Variants in RECQL5 observed in about 807,000 individuals in gnomAD.
The protein encoded by RECQL5 is ATP-dependent DNA helicase Q5.
In RECQL5, 88 loss-of-function variants were observed where a neutral mutation model predicts 103.4. The observed-to-expected ratio is 0.85, with a 90% confidence interval of 0.72 to 1.02. The LOEUF is 1.02. Among genes scored for constraint, RECQL5 ranks in the 50% least tolerant of loss-of-function variants. The pLI is 0.00. For missense variants in RECQL5, 1,232 were observed against 1,284.3 expected (o/e 0.96, Z 0.62); for synonymous variants, 552 against 507.9 (o/e 1.09, Z -1.17).
At chr17:75,631,352 G>C (rs1484242414) in intron 9 of RECQL5, 98 bp downstream of exon 9, 4 of 1,526,676 alleles carry the variant, frequency 2.6e-6, no homozygotes, top group Non-Finnish European at 3.6e-6. Flanking sequence ...CAGCTCAAGG[G>C]GGGATTGCGG....
Position 75,630,313 on chromosome 17 carries a change from T to C in RECQL5, c.1719-36A>G, listed in dbSNP as rs369527728. 4 of 1,508,444 alleles carry C rather than the reference T, an allele frequency of 2.7e-6. No homozygotes were observed. In the South Asian group the frequency reaches 5.1e-5, roughly 19 times the overall value. The allele number at this position is 1,508,444 out of a possible 1,614,324, so 93.4% of individuals were successfully genotyped here. ...AAGGTAACAGGCACAAGGTATCAGG[T>C]GGGCCTGGGCTTCTCCCTGCTGAGC... On this transcript the variant is annotated intron_variant, in intron 13 of 19. Transcript: ENST00000317905.
In RECQL5 at chr17:75,628,441, T is replaced by C. The variant is rs770646571; in HGVS notation, c.2582A>G (p.Glu861Gly). ...WKGKRPRSQQ[E>G]NPESQPQKRP... ...CTTCTGAGGCTGGCTCTCTGGGTTC[T>C]CCTGAGAAGGGCCACAGCAGAGGGT... Residue 861 changes from glutamate (E) to glycine (G), a missense_variant and splice_region_variant, in exon 18 of 20, where the codon GAG becomes GGG. Physicochemically the swap from Glu to Gly is moderately conservative, Grantham distance 98. Coordinates refer to ENST00000317905, the MANE Select transcript of RECQL5 (RefSeq NM_004259.7). 13 of 1,612,982 alleles carry C rather than the reference T, an allele frequency of 8.1e-6. No homozygotes were observed. The highest frequency in any genetic ancestry group is 1.1e-5 in the Non-Finnish European group (13 of 1,179,686).
At chr17:75,663,944 C>G (rs1568287216) in intron 3 of RECQL5, among the ~76,000 whole-genome samples, 1 of 151,622 alleles carries the variant, frequency 6.6e-6, no homozygotes, top group Non-Finnish European at 1.5e-5. Context: ...ATCCCAGCTA[C>G]TCGGGGGACT....
Position 75,627,649 on chromosome 17 carries a change from G to A in RECQL5, c.2849C>T (p.Thr950Ile), listed in dbSNP as rs1224260777. ...GCTCCTTCCAGGAGAGGTCTTCTGA[G>A]TCAGCAAGTGTGAGAGGTGGCGGGC... The part of the protein sequence containing the change: ...GFARHLSHLL[T>I]QKTSPGRSVK... Residue 950 changes from threonine (T) to isoleucine (I), a missense_variant, in exon 19 of 20, where the codon ACT becomes ATT. Coordinates refer to ENST00000317905, the MANE Select transcript of RECQL5 (RefSeq NM_004259.7). 1 of 1,612,352 alleles carries A rather than the reference G, an allele frequency of 6.2e-7. No individual in the cohort carries two copies. The highest frequency in any genetic ancestry group is 8.5e-7 in the Non-Finnish European group (1 of 1,179,228).
At chr17:75,663,025 G>T (rs1425678592) in intron 3 of RECQL5, 28 bp from the exon 4 acceptor site, 6 of 1,554,998 alleles carry the variant, frequency 3.9e-6, no homozygotes, top group Non-Finnish European at 5.2e-6. Flanking sequence ...GGCTGTAACT[G>T]GCCCTCAGGA....
At chr17:75,659,228 A>G in intron 6 of RECQL5, among the ~76,000 whole-genome samples, 1 of 151,930 alleles carries the variant, frequency 6.6e-6, no homozygotes, top group African/African-American at 2.4e-5. Flanking sequence ...TGCCCAGCTA[A>G]TTTTTGTATT....
intron 11 of RECQL5, 24 bp from the exon 12 acceptor site, chr17:75,630,861 TG>T: frequency 1.4e-6 from 2 of 1,470,130 alleles, no homozygotes; most frequent in Non-Finnish European, 9.2e-7. Flanking sequence ...GGGTGGTCCT[TG>T]GTCCTTTCGC....
chr17:75,629,809 G>A lies in RECQL5; in HGVS notation c.1846C>T (p.Gln616Ter), dbSNP rs1014686447. The A allele has an allele frequency of 1.2e-6, 2 of 1,613,102 alleles. No homozygotes were observed. Among genetic ancestry groups the A allele is most frequent in the Admixed American group, 3.3e-5 (2 of 59,950 alleles). Reference protein sequence around the residue: ...ADIHRASKDGQPYDMGGSAKS... With the variant: ...ADIHRASKDG ...GCACTGCCTCCCATGTCATAGGGCT[G>A]CCCATCCTTGGAGGCTCTGTGGATA... is the stretch of plus-strand genomic sequence containing the variant. The change falls in exon 15 of 20, where the codon CAG becomes TAG. Residue 616 changes from glutamine to a stop codon, truncating the protein, a stop_gained. Transcript: ENST00000317905. LOFTEE classifies it high-confidence loss of function.
Position 75,660,869 on chromosome 17 carries a change from T to C in RECQL5, c.986+86A>G, listed in dbSNP as rs554156914. On this transcript the variant is annotated intron_variant, in intron 6 of 19. Coordinates refer to ENST00000317905, the MANE Select transcript of RECQL5 (RefSeq NM_004259.7). The stretch of plus-strand genomic sequence containing the variant: ...CCCCTCTAGCCCTCGAAGGAGCACA[T>C]GCACCTGGTCCTTTGGGCACAGCAC... The C allele has an allele frequency of 1.2e-4, 118 of 968,810 alleles. 1 individual carries two copies. The African/African-American group carries it at 1.6e-3, about 13-fold the overall frequency. The allele number at this position is 968,810 out of a possible 1,614,324, so 60.0% of individuals were successfully genotyped here. A position where few individuals can be genotyped will look rare whatever the true frequency, so the allele number is the denominator to read the frequency against.
rs753430072 is a variant in RECQL5 at position 75,640,198 on chromosome 17, C to T, written c.1230-8530G>A. The T allele has an allele frequency of 1.0e-5, 16 of 1,545,588 alleles. No individual in the cohort carries two copies. The highest frequency in any genetic ancestry group is 6.0e-5 in the South Asian group (5 of 83,496). On this transcript the variant is annotated intron_variant, in intron 8 of 19. Transcript: ENST00000317905. This position sits in a 1 kb window ranked among gnomAD's most constrained non-coding sequence, Gnocchi z 4.6. Reference sequence around the variant, plus strand: ...CAGGAGCCCCAACAGGAAGCCAGCGCGGCATGGCTGCCACCGACTTCGTGC... The same window carrying T: ...CAGGAGCCCCAACAGGAAGCCAGCGTGGCATGGCTGCCACCGACTTCGTGC...
Position 75,631,005 on chromosome 17 carries a change from T to G in RECQL5, c.1554A>C (p.Lys518Asn), listed in dbSNP as rs777914006. 2.5e-6 allele frequency: 4 copies of G among 1,613,846 alleles called. No homozygotes were observed. The Admixed American group carries it at 6.7e-5, about 27-fold the overall frequency. The part of the protein sequence containing the change: ...YQKQMQLRKG[K>N]DPKIEEFVPP... ...GTACAAATTCTTCTATCTTGGGGTC[T>G]TTGCCCTGGAGGACAACATGAAGGA... is the stretch of plus-strand genomic sequence containing the variant. Residue 518 changes from lysine (K) to asparagine (N), a missense_variant, in exon 11 of 20, where the codon AAA becomes AAC. By Grantham distance (94) the Lys-to-Asn change is moderately conservative (BLOSUM62 0). Coordinates refer to ENST00000317905, the MANE Select transcript of RECQL5 (RefSeq NM_004259.7).
chr17:75,631,481 C>T lies in RECQL5; in HGVS notation c.1417G>A (p.Gly473Arg). 1 of 1,613,234 alleles carries T rather than the reference C, an allele frequency of 6.2e-7. No individual in the cohort carries two copies. The highest frequency in any genetic ancestry group is 8.5e-7 in the Non-Finnish European group (1 of 1,179,948). The change falls in exon 9 of 20, where the codon GGA (glycine) becomes AGA (arginine). Residue 473 changes from glycine to arginine, a missense_variant. Transcript: ENST00000317905. ...AAGTCCCCGTAGCCCTTGCGGCCTC[C>T]CTCATACAGCTCGGGGTCAAAGCCG... ...GNGFDPELYE[G>R]GRKGYGDFSR... is the part of the protein sequence containing the mutation.
intron 8 of RECQL5, chr17:75,648,736 C>T (rs190130997): frequency 6.7e-6 from 1 of 150,120 alleles, no homozygotes; most frequent in Admixed American, 6.6e-5. Flanking sequence ...TGTAGTGGCA[C>T]CATCTCGGCT....
intron 8 of RECQL5, among the ~76,000 whole-genome samples, chr17:75,635,381 G>A (rs958860647): frequency 6.6e-6 from 1 of 152,298 alleles, no homozygotes; most frequent in East Asian, 1.9e-4. Context: ...CACAGGACAC[G>A]AGTGGACAGG....
rs746313066 is a variant in RECQL5 at position 75,629,247 on chromosome 17, G to T, written c.2176C>A (p.Pro726Thr). Residue 726 changes from proline to threonine, a missense_variant, in exon 16 of 20, where the codon CCC becomes ACC. Pro to Thr is a conservative substitution (Grantham distance 38). Coordinates refer to ENST00000317905, the MANE Select transcript of RECQL5 (RefSeq NM_004259.7). ...VPGGSAHYGG[P>T]SPEKKAKSSS... is the part of the protein sequence containing the mutation. ...CTTTTTGCCTTCTTCTCAGGGGAGG[G>T]CCCCCCATAGTGAGCGCTGCCTCCA... is the stretch of plus-strand genomic sequence containing the variant. The T allele has an allele frequency of 1.2e-6, 2 of 1,612,200 alleles. No individual in the cohort carries two copies. Among genetic ancestry groups the T allele is most frequent in the African/African-American group, 2.7e-5 (2 of 75,042 alleles).
Position 75,627,320 on chromosome 17 carries a change from G to T in RECQL5, c.*102C>A. The stretch of plus-strand genomic sequence containing the variant: ...AGCCAAGTATGGTTGGAAAGGAGAA[G>T]GACTGAGAAAAGACGATGGCCCTGG... On this transcript the variant is annotated 3_prime_UTR_variant, in exon 20 of 20. Transcript: ENST00000317905. 2.2e-6 allele frequency: 2 copies of T among 901,394 alleles called. No individual in the cohort carries two copies. The highest frequency in any genetic ancestry group is 3.6e-6 in the Non-Finnish European group (2 of 551,938). The allele number at this position is 901,394 out of a possible 1,614,324, so 55.8% of individuals were successfully genotyped here. A position where few individuals can be genotyped will look rare whatever the true frequency, so the allele number is the denominator to read the frequency against.
At position 75,630,632 on chromosome 17, in the gene RECQL5, G is replaced by A. The variant is rs776375606; in HGVS notation, c.1705C>T (p.Arg569Cys). ...CGTGGAACTCACTCATCAGCGGTAC[G>A]TGTTGACTGGCGGTTGCTGCTCAGC... Reference protein sequence around the residue: ...EALSSNRQSTRTADEADLRAK... With the variant: ...EALSSNRQSTCTADEADLRAK... The change falls in exon 13 of 20, where the codon CGT (arginine) becomes TGT (cysteine). Residue 569 changes from arginine (R) to cysteine (C), a missense_variant. Arg to Cys is a radical substitution (Grantham distance 180). Coordinates refer to ENST00000317905, the MANE Select transcript of RECQL5 (RefSeq NM_004259.7). 39 of 1,613,584 alleles carry A rather than the reference G, an allele frequency of 2.4e-5. No homozygotes were observed. The highest frequency in any genetic ancestry group is 6.7e-5 in the East Asian group (3 of 44,894).
In RECQL5 at chr17:75,640,344, C is replaced by T; in HGVS notation, c.1230-8676G>A. The T allele has an allele frequency of 6.5e-7, 1 of 1,536,302 alleles. No homozygotes were observed. Among genetic ancestry groups the T allele is most frequent in the Non-Finnish European group, 8.8e-7 (1 of 1,138,036 alleles). ...CTTTTCACAGGTTAGTTGGGGCACT[C>T]AGCACCCCATGGCTCTCCCTGGCAT... On this transcript the variant is annotated intron_variant, in intron 8 of 19. Coordinates refer to ENST00000317905, the MANE Select transcript of RECQL5 (RefSeq NM_004259.7). This position sits in a 1 kb window ranked among gnomAD's most constrained non-coding sequence, Gnocchi z 4.6.
rs1409888229 is a variant in RECQL5, at chr17:75,640,038, G to A, written c.1230-8370C>T. On this transcript the variant is annotated intron_variant, in intron 8 of 19. Transcript: ENST00000317905. The surrounding 1 kb of genome is among the most constrained non-coding windows in gnomAD (Gnocchi z 4.6). ...GCCACCACTAGGTGGAAGTCACCAG[G>A]GGTGCAATGTGTGAGACCTGACAAA... The A allele has an allele frequency of 9.2e-6, 9 of 977,248 alleles. No homozygotes were observed. Among genetic ancestry groups the A allele is most frequent in the Middle Eastern group, 3.3e-4 (1 of 3,022 alleles). 60.5% of individuals were successfully genotyped at this position (977,248 alleles called of 1,614,324 possible).
Sources: allele counts gnomAD v4.1 joint callset (sites outside exome capture counted in the v4.1 genomes callset), GRCh38; gene constraint gnomAD v4.1.1; non-coding constraint Gnocchi (gnomAD v3.1); transcripts MANE v1.5; gene names NCBI Gene and HGNC (gene_info 2026-07-23, HGNC 2026-07-21).